Variants in NFATC3 observed in about 807,000 individuals in gnomAD.
NFATC3 encodes nuclear factor of activated T cells 3, also known as nuclear factor of activated T-cells, cytoplasmic 3.
A neutral mutation model predicts 98.6 loss-of-function variants in NFATC3; 46 were observed. The ratio of observed to expected loss-of-function variants is 0.47; its 90% confidence interval spans 0.37 to 0.60. NFATC3 has a LOEUF of 0.60. NFATC3 is among the 20% of genes least tolerant of loss of function. The pLI is 0.00. For missense variants in NFATC3, 1,256 were observed against 1,295.5 expected (o/e 0.97, Z 0.47); for synonymous variants, 512 against 472.2 (o/e 1.08, Z -1.09).
chr16:68,204,757 A>G (rs2041072329), intron 9 of NFATC3, among the ~76,000 whole-genome samples: 3 of 152,238 alleles, frequency 2.0e-5, no homozygotes, highest in Admixed American at 2.0e-4. Flanking sequence ...CTATTTTAAA[A>G]TTGATATCCT....
At chr16:68,188,865 C>A (rs532163640) in intron 8 of NFATC3, among the ~76,000 whole-genome samples, 1 of 152,098 alleles carries the variant, frequency 6.6e-6, no homozygotes, top group Non-Finnish European at 1.5e-5. Context: ...TGCACCACCA[C>A]GCCTGGCTAA....
chr16:68,175,564 G>A (rs548625319), intron 6 of NFATC3, among the ~76,000 whole-genome samples: 26 of 152,016 alleles, frequency 1.7e-4, no homozygotes, highest in Non-Finnish European at 2.8e-4. Flanking sequence ...ACTTATGAAA[G>A]ACTTTTTTTT....
intron 3 of NFATC3, among the ~76,000 whole-genome samples, chr16:68,155,624 AAGAG>A (rs1236900489): frequency 2.0e-5 from 3 of 152,218 alleles, no homozygotes; most frequent in Non-Finnish European, 4.4e-5. Flanking sequence ...CGCCAGGCAG[AAGAG>A]AGAGACATTC....
intron 1 of NFATC3, among the ~76,000 whole-genome samples, chr16:68,119,085 T>C (rs1468503301): frequency 2.0e-5 from 3 of 152,160 alleles, no homozygotes; most frequent in Non-Finnish European, 4.4e-5. Context: ...GCCAGCATGG[T>C]CGTGATCTCC....
At chr16:68,151,173 GT>G (rs2038299970) in intron 3 of NFATC3, among the ~76,000 whole-genome samples, 2 of 151,796 alleles carry the variant, frequency 1.3e-5, no homozygotes, top group African/African-American at 4.8e-5. Context: ...AAGCAAAACA[GT>G]GGGACCCCAT....
intron 1 of NFATC3, among the ~76,000 whole-genome samples, chr16:68,111,119 A>G (rs1239483163): frequency 2.0e-5 from 3 of 152,124 alleles, no homozygotes; most frequent in Non-Finnish European, 2.9e-5. Context: ...AGAAGAATGT[A>G]TATTCTGTTT....
chr16:68,184,913 G>A (rs2040117256), intron 8 of NFATC3, among the ~76,000 whole-genome samples: 1 of 152,074 alleles, frequency 6.6e-6, no homozygotes, highest in Non-Finnish European at 1.5e-5. Context: ...CTTGATTGAA[G>A]GGCACCATTG....
rs1265201716 is a variant in NFATC3 at position 68,226,911 on chromosome 16, A to AG, written c.*440_*441insG. The stretch of plus-strand genomic sequence containing the variant: ...CCTTCTAGAAGCAAAAAAAAAAAAA[A>AG]AAAAAAAAAAAAGAAAAAAAAAGAA... On this transcript the variant is annotated 3_prime_UTR_variant, in exon 10 of 10. Coordinates refer to ENST00000346183, the MANE Select transcript of NFATC3 (RefSeq NM_173165.3). The AG allele has an allele frequency of 8.8e-5, 13 of 148,378 alleles. No homozygotes were observed. The highest frequency in any genetic ancestry group is 2.5e-4 in the African/African-American group (10 of 40,678). The allele number at this position is 148,378 out of a possible 1,614,324, so 9.2% of individuals were successfully genotyped here.
At chr16:68,219,581 GTAATAA>G (rs971636918) in intron 9 of NFATC3, among the ~76,000 whole-genome samples, 2 of 151,386 alleles carry the variant, frequency 1.3e-5, no homozygotes, top group East Asian at 1.9e-4. Flanking sequence ...AATAATAATA[GTAATAA>G]TAATAATAAT....
intron 1 of NFATC3, among the ~76,000 whole-genome samples, chr16:68,087,054 TG>T (rs2034419483): frequency 6.6e-6 from 1 of 152,218 alleles, no homozygotes; most frequent in African/African-American, 2.4e-5. Context: ...CTAGGAAGTC[TG>T]TGAATGGTGA....
At chr16:68,175,107 T>C (rs952957306) in intron 6 of NFATC3, among the ~76,000 whole-genome samples, 1 of 152,222 alleles carries the variant, frequency 6.6e-6, no homozygotes, top group African/African-American at 2.4e-5. Flanking sequence ...ATTAATGAAG[T>C]ACTCATACAT....
intron 9 of NFATC3, among the ~76,000 whole-genome samples, chr16:68,203,264 CATAA>C (rs913739552): frequency 2.6e-5 from 4 of 152,078 alleles, no homozygotes; most frequent in Non-Finnish European, 5.9e-5. Context: ...TTTCCATGGA[CATAA>C]ATAAGTTGTA....
rs773581542 is a variant in NFATC3, at chr16:68,166,949, G to A, written c.1708G>A (p.Val570Ile). 33 of 1,614,052 alleles carry A rather than the reference G, an allele frequency of 2.0e-5. No homozygotes were observed. The highest frequency in any genetic ancestry group is 2.6e-5 in the Non-Finnish European group (31 of 1,180,032). ...KNTRVRLVFR[V>I]HIPQPSGKVL... Reference sequence around the variant, plus strand: ...TACTAGAGTACGACTTGTGTTTCGTGTACACATCCCACAGCCCAGTGGAAA... The same window carrying A: ...TACTAGAGTACGACTTGTGTTTCGTATACACATCCCACAGCCCAGTGGAAA... The change falls in exon 5 of 10, where the codon GTA becomes ATA. Residue 570 changes from valine to isoleucine, a missense_variant. Val to Ile is a conservative substitution (Grantham distance 29, BLOSUM62 3). Transcript: ENST00000346183.
At chr16:68,170,640 C>T (rs952224183) in intron 5 of NFATC3, among the ~76,000 whole-genome samples, 3 of 151,200 alleles carry the variant, frequency 2.0e-5, no homozygotes, top group Non-Finnish European at 2.9e-5. Flanking sequence ...TTACAGGTGC[C>T]CACCACCACA....
chr16:68,219,131 A>G (rs903276988), intron 9 of NFATC3, among the ~76,000 whole-genome samples: 11 of 151,616 alleles, frequency 7.3e-5, no homozygotes, highest in African/African-American at 2.2e-4. Context: ...CACGCCTGTA[A>G]TCCCAGCACT....
intron 9 of NFATC3, among the ~76,000 whole-genome samples, chr16:68,212,826 G>C (rs1308770659): frequency 9.1e-6 from 1 of 109,536 alleles, no homozygotes; most frequent in South Asian, 2.9e-4. Flanking sequence ...GTCTCACTCT[G>C]TTGCCCAGGC....
chr16:68,130,465 C>A (rs1567512930), intron 3 of NFATC3, among the ~76,000 whole-genome samples: 1 of 152,114 alleles, frequency 6.6e-6, no homozygotes, highest in East Asian at 1.9e-4. Context: ...TGAGAAATGT[C>A]ATTTTAGATC....
At chr16:68,091,688 T>C (rs917516994) in intron 1 of NFATC3, among the ~76,000 whole-genome samples, 1 of 152,172 alleles carries the variant, frequency 6.6e-6, no homozygotes, top group African/African-American at 2.4e-5. Flanking sequence ...TCTTAAAAGA[T>C]AGGAAACCTG....
At chr16:68,092,452 C>CA (rs1239654596) in intron 1 of NFATC3, among the ~76,000 whole-genome samples, 2,115 of 118,200 alleles carry the variant, frequency 0.018, 28 homozygotes, top group African/African-American at 0.032. Context: ...AACTCTCTCT[C>CA]AAAAAAAAAA....
Sources: allele counts gnomAD v4.1 joint callset (sites outside exome capture counted in the v4.1 genomes callset), GRCh38; gene constraint gnomAD v4.1.1; transcripts MANE v1.5; gene names NCBI Gene and HGNC (gene_info 2026-07-23, HGNC 2026-07-21).